Variants in AP2B1 observed in about 807,000 individuals in gnomAD.
The protein encoded by AP2B1 is adaptor related protein complex 2 subunit beta 1.
A neutral mutation model predicts 102.0 loss-of-function variants in AP2B1; 23 were observed. The ratio of observed to expected loss-of-function variants is 0.23; its 90% CI spans 0.16 to 0.32. The LOEUF (loss-of-function observed/expected upper bound fraction) is 0.32, where lower values mean the gene tolerates loss of function less well. Ranked by LOEUF, AP2B1 falls within the 10% of genes least tolerant of loss-of-function variation. AP2B1 has a pLI of 1.00. For synonymous variants in AP2B1, 381 were observed against 421.2 expected (o/e 0.90, Z 1.17); for missense variants, 541 against 1,157.4 (o/e 0.47, Z 7.73).
intron 1 of AP2B1, among the ~76,000 whole-genome samples, chr17:35,589,492 A>T (rs1419328809): frequency 1.3e-5 from 2 of 152,184 alleles, no homozygotes; most frequent in Non-Finnish European, 1.5e-5. Flanking sequence ...TTTGCTGCTC[A>T]GTTTCTCTTT....
intron 14 of AP2B1, among the ~76,000 whole-genome samples, chr17:35,667,788 G>C (rs1363810582): frequency 6.6e-6 from 1 of 152,062 alleles, no homozygotes; most frequent in Non-Finnish European, 1.5e-5. Flanking sequence ...TTGAATCTTG[G>C]ATTATAAGCC....
intron 9 of AP2B1, among the ~76,000 whole-genome samples, chr17:35,632,251 C>T (rs1294951176): frequency 6.6e-6 from 1 of 152,098 alleles, no homozygotes; most frequent in African/African-American, 2.4e-5. Flanking sequence ...TCTCCTGCCT[C>T]AGCCTCCAGA....
intron 4 of AP2B1, among the ~76,000 whole-genome samples, chr17:35,606,683 C>G (rs566742513): frequency 6.6e-6 from 1 of 152,202 alleles, no homozygotes; most frequent in African/African-American, 2.4e-5. Flanking sequence ...TATTTTCTGA[C>G]CTCCAACCCC....
At position 35,710,271 on chromosome 17, in the gene AP2B1, C is replaced by A. The variant is rs782428160; in HGVS notation, c.2577C>A (p.Pro859=). 1.9e-6 allele frequency: 3 copies of A among 1,613,640 alleles called. No individual in the cohort carries two copies. The East Asian group carries it at 6.7e-5, about 36-fold the overall frequency. ...QVFLATWKDI[P]NENELQFQIK... ...TCCTTGCAACATGGAAGGATATTCC[C>A]AATGAAAATGAACTTCAGTTTCAGA... is the stretch of plus-strand genomic sequence containing the variant. Residue 859 remains proline, a synonymous_variant, in exon 20 of 22, where the codon CCC becomes CCA. Transcript: ENST00000610402.
At chr17:35,622,964 C>T (rs887995359) in intron 5 of AP2B1, among the ~76,000 whole-genome samples, 21 of 152,142 alleles carry the variant, frequency 1.4e-4, no homozygotes, top group Non-Finnish European at 2.9e-4. Context: ...CACGCCCAGC[C>T]AACTTATACT....
At chr17:35,605,235 CTTTTCTTTTTTTTTTTCCTTTTT>C in intron 3 of AP2B1, among the ~76,000 whole-genome samples, 1 of 148,034 alleles carries the variant, frequency 6.8e-6, no homozygotes, top group South Asian at 2.1e-4. Context: ...TTTCTCTTTT[CTTTTCTTTTTTTTTTTCCTTTTT>C]TTTTTAGACA....
intron 12 of AP2B1, among the ~76,000 whole-genome samples, chr17:35,645,066 T>A (rs919357125): frequency 7.9e-5 from 12 of 152,056 alleles, no homozygotes; most frequent in African/African-American, 2.9e-4. Context: ...AGAATAAGTA[T>A]GCCTATGTAA....
intron 5 of AP2B1, among the ~76,000 whole-genome samples, chr17:35,617,583 C>A (rs1003552382): frequency 2.6e-5 from 4 of 152,192 alleles, no homozygotes; most frequent in African/African-American, 9.7e-5. Context: ...CTACTTACTA[C>A]TTTTACAAGG....
chr17:35,676,682 C>T (rs762470788), intron 17 of AP2B1, among the ~76,000 whole-genome samples: 1 of 152,200 alleles, frequency 6.6e-6, no homozygotes, highest in Non-Finnish European at 1.5e-5. Flanking sequence ...TATTCCACAT[C>T]CTCACCAATT....
intron 5 of AP2B1, 44 bp from the exon 6 acceptor site, chr17:35,624,353 G>A (rs369289788): frequency 1.3e-6 from 2 of 1,576,052 alleles, no homozygotes; most frequent in East Asian, 2.2e-5. Flanking sequence ...GTCTATAGCT[G>A]TGCTGTTCTT....
At chr17:35,593,055 C>T (rs1247624049) in intron 1 of AP2B1, among the ~76,000 whole-genome samples, 1 of 152,102 alleles carries the variant, frequency 6.6e-6, no homozygotes, top group African/African-American at 2.4e-5. Flanking sequence ...GTTTCAACAC[C>T]AGTTTGATTC....
intron 18 of AP2B1, among the ~76,000 whole-genome samples, chr17:35,684,204 A>G (rs777794883): frequency 1.3e-5 from 2 of 152,200 alleles, no homozygotes; most frequent in Non-Finnish European, 2.9e-5. Flanking sequence ...AGAGAGAAAG[A>G]TACACTGTGA....
intron 17 of AP2B1, among the ~76,000 whole-genome samples, chr17:35,675,839 AT>A (rs1463364291): frequency 1.3e-5 from 2 of 152,106 alleles, no homozygotes; most frequent in South Asian, 2.1e-4. Context: ...GTTAAAAAAA[AT>A]CATCAAATTC....
chr17:35,713,597 CACTT>C (rs1422563382), intron 20 of AP2B1, among the ~76,000 whole-genome samples: 1 of 152,208 alleles, frequency 6.6e-6, no homozygotes, highest in Non-Finnish European at 1.5e-5. Context: ...ATAGCACCAA[CACTT>C]TAAATAGCTT....
intron 11 of AP2B1, among the ~76,000 whole-genome samples, chr17:35,640,775 A>T (rs1189611043): frequency 4.6e-5 from 7 of 152,222 alleles, no homozygotes; most frequent in Non-Finnish European, 8.8e-5. Flanking sequence ...ACTGGCTTAG[A>T]GCAGTAGTTA....
intron 17 of AP2B1, among the ~76,000 whole-genome samples, chr17:35,681,652 C>G (rs961767598): frequency 9.9e-5 from 15 of 152,100 alleles, no homozygotes; most frequent in Admixed American, 7.2e-4. Context: ...ACCCTCCTGC[C>G]TCAGCCTCCC....
intron 18 of AP2B1, among the ~76,000 whole-genome samples, chr17:35,701,166 A>AGT (rs2076231841): frequency 2.6e-5 from 1 of 38,884 alleles, no homozygotes; most frequent in East Asian, 2.5e-3. Flanking sequence ...TATTTTACAT[A>AGT]GTGTATACAC....
At chr17:35,708,171 C>CTCT in intron 18 of AP2B1, among the ~76,000 whole-genome samples, 1 of 152,230 alleles carries the variant, frequency 6.6e-6, no homozygotes, top group Middle Eastern at 3.4e-3. Flanking sequence ...CTTTTTAACT[C>CTCT]TGTTTTTAGA....
intron 1 of AP2B1, 50 bp downstream of exon 1, chr17:35,587,478 G>C (rs938885656): frequency 3.9e-5 from 6 of 152,572 alleles, no homozygotes; most frequent in African/African-American, 1.2e-4. Flanking sequence ...TGACGGGGTC[G>C]GGGACGGAGA....
Sources: allele counts gnomAD v4.1 joint callset (sites outside exome capture counted in the v4.1 genomes callset), GRCh38; gene constraint gnomAD v4.1.1; transcripts MANE v1.5; gene names NCBI Gene and HGNC (gene_info 2026-07-23, HGNC 2026-07-21).